The following LRBA variants were observed in gnomAD, a reference collection of about 807,000 sequenced individuals.
LRBA encodes the protein lipopolysaccharide-responsive and beige-like anchor protein.
LRBA carries 176 observed loss-of-function variants against 330.0 expected under a neutral mutation model. The ratio of observed to expected loss-of-function variants is 0.53; its 90% CI spans 0.47 to 0.60. The LOEUF (loss-of-function observed/expected upper bound fraction) is 0.60, where lower values mean the gene tolerates loss of function less well. Ranked by LOEUF, LRBA falls within the 20% of genes least tolerant of loss-of-function variation. LRBA has a pLI of 0.00. For synonymous variants in LRBA, 1,230 were observed against 1,193.0 expected (o/e 1.03, Z -0.64); for missense variants, 3,259 against 3,444.8 (o/e 0.95, Z 1.35).
intron 2 of LRBA, among the ~76,000 whole-genome samples, chr4:151,004,921 G>T (rs376066501): frequency 6.6e-6 from 1 of 152,062 alleles, no homozygotes; most frequent in South Asian, 2.1e-4. Flanking sequence ...TGGGAGACAG[G>T]GGTTGGTTGC....
At chr4:150,330,071 C>T (rs1733791050) in intron 48 of LRBA, among the ~76,000 whole-genome samples, 1 of 152,162 alleles carries the variant, frequency 6.6e-6, no homozygotes, top group African/African-American at 2.4e-5. Flanking sequence ...CAAGTGATTC[C>T]AGTAATTAAA....
intron 28 of LRBA, among the ~76,000 whole-genome samples, chr4:150,836,756 C>A (rs1201369504): frequency 6.6e-6 from 1 of 152,094 alleles, no homozygotes; most frequent in Non-Finnish European, 1.5e-5. Context: ...CTCCTGGATT[C>A]ATTGATTTTT....
At chr4:150,508,327 G>A (rs1761407371) in intron 40 of LRBA, among the ~76,000 whole-genome samples, 1 of 150,162 alleles carries the variant, frequency 6.7e-6, no homozygotes, top group South Asian at 2.1e-4. Context: ...CTGTCACCCA[G>A]GCTGGAGTGC....
rs533656551 is a variant in LRBA, at chr4:150,915,805, T to G, written c.895-78A>C. 15 of 1,095,040 alleles carry G rather than the reference T, an allele frequency of 1.4e-5. No homozygotes were observed. In the African/African-American group the frequency reaches 2.4e-4, roughly 18 times the overall value. 67.8% of individuals were successfully genotyped at this position (1,095,040 alleles called of 1,614,324 possible). On this transcript the variant is annotated intron_variant, in intron 7 of 56. Coordinates refer to ENST00000651943, the MANE Select transcript of LRBA (RefSeq NM_001364905.1). ...CGCAACCATACTGATGAGTAAAAGT[T>G]AAATGATAAGTTGTAATTCAACCTA...
Position 150,402,804 on chromosome 4 carries a change from T to C in LRBA, c.7194+12634A>G, listed in dbSNP as rs546981594. Among the ~76,000 whole-genome samples the C allele has an allele frequency of 4.1e-3, 627 of 151,990 alleles. 4 individuals carry two copies. The highest frequency in any genetic ancestry group is 0.014 in the African/African-American group (563 of 41,508). On this transcript the variant is annotated intron_variant, in intron 47 of 56. Transcript: ENST00000651943. ...CTATCTCTCTCTATATATATAAATA[T>C]AAATTCTAAAATATAGCATTATCAT...
At chr4:150,919,650 G>C (rs951235981) in intron 5 of LRBA, among the ~76,000 whole-genome samples, 2 of 152,080 alleles carry the variant, frequency 1.3e-5, no homozygotes, top group African/African-American at 4.8e-5. Flanking sequence ...AAAATTTTAG[G>C]AGAAAAACAT....
chr4:150,507,257 C>A (rs1303699014), intron 40 of LRBA, among the ~76,000 whole-genome samples: 1 of 152,086 alleles, frequency 6.6e-6, no homozygotes, highest in East Asian at 1.9e-4. Flanking sequence ...CAAAAAAGAG[C>A]CCGCATTGCC....
chr4:150,371,343 C>T (rs1740288139), intron 47 of LRBA, among the ~76,000 whole-genome samples: 1 of 151,684 alleles, frequency 6.6e-6, no homozygotes, highest in South Asian at 2.1e-4. Flanking sequence ...CAGTCGCCCG[C>T]CACCACACCT....
intron 54 of LRBA, among the ~76,000 whole-genome samples, 171 bp downstream of exon 54, chr4:150,285,762 A>G (rs1748065388): frequency 6.6e-6 from 1 of 152,242 alleles, no homozygotes; most frequent in Admixed American, 6.5e-5. Context: ...CCACGAAGAA[A>G]CTTACATTTT....
chr4:150,300,949 A>G (rs529156461), intron 53 of LRBA, among the ~76,000 whole-genome samples: 2 of 152,156 alleles, frequency 1.3e-5, no homozygotes, highest in South Asian at 4.2e-4. Context: ...GAAACCAAGA[A>G]CCCAAATATC....
At chr4:150,581,581 T>C (rs903709735) in intron 40 of LRBA, 4 of 196,200 alleles carry the variant, frequency 2.0e-5, no homozygotes, top group Non-Finnish European at 4.2e-5. Flanking sequence ...GAACCATTGC[T>C]ACTCTCCCTC....
intron 37 of LRBA, among the ~76,000 whole-genome samples, chr4:150,682,618 G>C (rs1186598452): frequency 6.6e-6 from 1 of 151,982 alleles, no homozygotes; most frequent in Non-Finnish European, 1.5e-5. Flanking sequence ...TTTTCTAAAA[G>C]TTAAAATTTT....
At chr4:150,832,775 C>T (rs982340499) in intron 28 of LRBA, among the ~76,000 whole-genome samples, 1 of 151,854 alleles carries the variant, frequency 6.6e-6, no homozygotes, top group Non-Finnish European at 1.5e-5. Flanking sequence ...CAAAGGAATT[C>T]CTTCTTTTTT....
intron 40 of LRBA, chr4:150,580,971 C>T (rs200762076): frequency 6.5e-6 from 1 of 154,518 alleles, no homozygotes; most frequent in Non-Finnish European, 1.4e-5. Context: ...CCTGTACCCC[C>T]TAAGAATACA....
intron 40 of LRBA, among the ~76,000 whole-genome samples, chr4:150,496,171 T>C (rs1268457394): frequency 6.6e-6 from 1 of 152,152 alleles, no homozygotes; most frequent in Non-Finnish European, 1.5e-5. Flanking sequence ...TCCCAAATAA[T>C]GCATGTATTT....
At chr4:150,802,965 T>C (rs1459274133) in intron 33 of LRBA, among the ~76,000 whole-genome samples, 1 of 140,810 alleles carries the variant, frequency 7.1e-6, no homozygotes, top group East Asian at 2.1e-4. Flanking sequence ...GAGGTTGCAG[T>C]GAGCCAAGAT....
intron 37 of LRBA, among the ~76,000 whole-genome samples, chr4:150,635,471 T>C (rs541520509): frequency 9.9e-5 from 15 of 152,224 alleles, no homozygotes; most frequent in Non-Finnish European, 1.6e-4. Context: ...TTTCCCTCTC[T>C]GCCTCTAACA....
chr4:150,475,784 G>A (rs1180482432), intron 42 of LRBA, among the ~76,000 whole-genome samples: 1 of 151,668 alleles, frequency 6.6e-6, no homozygotes, highest in Non-Finnish European at 1.5e-5. Context: ...TGTGCCTGTA[G>A]TCTCAGCTAC....
chr4:150,848,953 C>A lies in LRBA; in HGVS notation c.4204G>T (p.Ala1402Ser), dbSNP rs1270528552. 1.9e-6 allele frequency: 3 copies of A among 1,611,526 alleles called. No homozygotes were observed. In the Admixed American group the frequency reaches 5.0e-5, roughly 27 times the overall value. ...IEPTQGLSIE[A>S]SVTFLQRLIS... The stretch of plus-strand genomic sequence containing the variant: ...AGCCTCTGCAAAAATGTCACAGAGG[C>A]TTCTATTGAAAGGCCTTGAGTAGGT... The change falls in exon 26 of 57, where the codon GCC (alanine) becomes TCC (serine). Residue 1402 changes from alanine (A) to serine (S), a missense_variant. Ala to Ser is a moderately conservative substitution (Grantham distance 99). Transcript: ENST00000651943.
Sources: allele counts gnomAD v4.1 joint callset (sites outside exome capture counted in the v4.1 genomes callset), GRCh38; gene constraint gnomAD v4.1.1; transcripts MANE v1.5; gene names NCBI Gene and HGNC (gene_info 2026-07-23, HGNC 2026-07-21).